TSC22D1: variants seen among roughly 807,000 people sequenced by gnomAD.
TSC22D1 encodes the protein TSC22 domain family protein 1.
TSC22D1 carries 9 observed loss-of-function variants against 74.2 expected under a neutral mutation model. The observed-to-expected ratio is 0.12, with a 90% CI of 0.07 to 0.21. The LOEUF is 0.21. Ranked by LOEUF, TSC22D1 falls within the 10% of genes least tolerant of loss-of-function variation. The probability of loss-of-function intolerance (pLI) is 1.00; values close to 1 mark genes in which losing one functional copy is unlikely to be tolerated. For missense variants in TSC22D1, 1,427 were observed against 1,304.7 expected, an observed-to-expected ratio of 1.09 and a Z score of -1.44; for synonymous variants, 586 against 492.5, an observed-to-expected ratio of 1.19 and a Z score of -2.51.
intron 1 of TSC22D1, among the ~76,000 whole-genome samples, chr13:44,533,554 C>G (rs1022362975): frequency 4.0e-5 from 6 of 150,082 alleles, no homozygotes; most frequent in Non-Finnish European, 7.4e-5. Flanking sequence ...GAGGCTGAGG[C>G]GGGTGGATCA....
At chr13:44,498,685 T>TTCAGGGATCCAC (rs1290388672) in intron 1 of TSC22D1, among the ~76,000 whole-genome samples, 2 of 152,156 alleles carry the variant, frequency 1.3e-5, no homozygotes, top group African/African-American at 4.8e-5. Context: ...CATAAAATAA[T>TTCAGGGATCCAC]TCAGGGATCC....
chr13:44,570,786 G>A (rs1220353513), intron 1 of TSC22D1, among the ~76,000 whole-genome samples: 1 of 152,156 alleles, frequency 6.6e-6, no homozygotes, highest in Non-Finnish European at 1.5e-5. Context: ...AAGCCCAGAA[G>A]ATGCAAGTGA....
intron 1 of TSC22D1, among the ~76,000 whole-genome samples, chr13:44,532,749 A>G (rs1019302270): frequency 1.3e-5 from 2 of 152,196 alleles, no homozygotes; most frequent in Non-Finnish European, 2.9e-5. Flanking sequence ...CTGGGATTAC[A>G]GGCGTGAGCC....
intron 1 of TSC22D1, chr13:44,538,276 T>G (rs531676955): frequency 1.0e-6 from 1 of 985,334 alleles, no homozygotes. Context: ...TACTTCTCTA[T>G]TAGAAACTTT....
Position 44,575,018 on chromosome 13 carries a change from G to A in TSC22D1, c.1057C>T (p.Pro353Ser). 1 of 1,614,018 alleles carries A rather than the reference G, an allele frequency of 6.2e-7. No homozygotes were observed. Among genetic ancestry groups the A allele is most frequent in the South Asian group, 1.1e-5 (1 of 91,082 alleles). ...ACATTAACACCACTGGTAACTCCAG[G>A]CCCAACACTCACACCAGCAGCACTA... ...IPSAAGVSVGPGVTSGVNVNI... is the reference protein window; with the variant it reads ...IPSAAGVSVGSGVTSGVNVNI... Residue 353 changes from proline to serine, a missense_variant, in exon 1 of 3, where the codon CCT (proline) becomes TCT (serine). By Grantham distance (74) the Pro-to-Ser change is moderately conservative. This residue lies in a region of TSC22D1 where 1,343 missense variants were observed against 1,191.5 expected (regional missense o/e 1.13). Transcript: ENST00000458659.
intron 1 of TSC22D1, among the ~76,000 whole-genome samples, chr13:44,509,950 C>CAAAAAAAAAAAAAAAAAAAAAAACAAAA: frequency 1.9e-5 from 1 of 51,426 alleles, no homozygotes; most frequent in African/African-American, 7.5e-5. Flanking sequence ...AGAAAATAAG[C>CAAAAAAAAAAAAAAAAAAAAAAACAAAA]AAAAAAAAAA....
At chr13:44,547,961 T>C (rs1481374384) in intron 1 of TSC22D1, among the ~76,000 whole-genome samples, 1 of 152,164 alleles carries the variant, frequency 6.6e-6, no homozygotes, top group African/African-American at 2.4e-5. Flanking sequence ...ATTATTATTA[T>C]GCACTGTATT....
At chr13:44,438,788 A>G (rs976089757) in intron 1 of TSC22D1, among the ~76,000 whole-genome samples, 12 of 152,286 alleles carry the variant, frequency 7.9e-5, no homozygotes, top group African/African-American at 2.4e-4. Context: ...CCCTATGTCT[A>G]TGAATGCTAA....
intron 1 of TSC22D1, among the ~76,000 whole-genome samples, chr13:44,512,557 A>ACCTATATTCCCTATTACT (rs1879783059): frequency 6.6e-6 from 1 of 152,234 alleles, no homozygotes; most frequent in Non-Finnish European, 1.5e-5. Flanking sequence ...ACTGTGAAAC[A>ACCTATATTCCCTATTACT]GAACCACTTC....
chr13:44,435,747 T>C (rs1407615036), intron 2 of TSC22D1: 5 of 459,512 alleles, frequency 1.1e-5, no homozygotes, highest in Non-Finnish European at 2.0e-5. Flanking sequence ...CCGAAGGAGA[T>C]AGTTGGCCAG....
intron 1 of TSC22D1, among the ~76,000 whole-genome samples, chr13:44,565,489 A>G (rs1286828863): frequency 6.6e-6 from 1 of 152,126 alleles, no homozygotes; most frequent in African/African-American, 2.4e-5. Context: ...ACTAGGAAAA[A>G]AGTTAACCTA....
At chr13:44,484,142 G>A (rs965832712) in intron 1 of TSC22D1, among the ~76,000 whole-genome samples, 1 of 152,008 alleles carries the variant, frequency 6.6e-6, no homozygotes, top group African/African-American at 2.4e-5. Context: ...CTATCACAAA[G>A]TTTGAAACTG....
At chr13:44,532,740 T>C (rs1880919679) in intron 1 of TSC22D1, among the ~76,000 whole-genome samples, 2 of 152,290 alleles carry the variant, frequency 1.3e-5, no homozygotes, top group East Asian at 3.9e-4. Context: ...CCCGAAGTGC[T>C]GGGATTACAG....
chr13:44,568,950 A>G (rs1883562628), intron 1 of TSC22D1, among the ~76,000 whole-genome samples: 3 of 152,202 alleles, frequency 2.0e-5, no homozygotes, highest in Admixed American at 2.0e-4. Flanking sequence ...ATCAATATTG[A>G]TAACTACTGG....
chr13:44,452,944 A>ACGC (rs1876267341), intron 1 of TSC22D1: 1 of 151,882 alleles, frequency 6.6e-6, no homozygotes, highest in Non-Finnish European at 1.5e-5. Context: ...TTTCGATGAA[A>ACGC]CTCTTGTTTT....
chr13:44,491,815 G>A (rs1408457983), intron 1 of TSC22D1, among the ~76,000 whole-genome samples: 1 of 152,096 alleles, frequency 6.6e-6, no homozygotes, highest in African/African-American at 2.4e-5. Flanking sequence ...TAATCAGTGG[G>A]GTTTTTTATG....
chr13:44,468,566 C>T (rs1877426016), intron 1 of TSC22D1, among the ~76,000 whole-genome samples: 1 of 149,650 alleles, frequency 6.7e-6, no homozygotes, highest in South Asian at 2.1e-4. Context: ...CTAACCATGA[C>T]ATTCTGCATT....
At chr13:44,553,534 G>A (rs1348914193) in intron 1 of TSC22D1, among the ~76,000 whole-genome samples, 2 of 152,160 alleles carry the variant, frequency 1.3e-5, no homozygotes, top group African/African-American at 4.8e-5. Flanking sequence ...ATGGGACTGA[G>A]CATGGAAGAG....
chr13:44,458,803 C>T (rs1479579014), intron 1 of TSC22D1, among the ~76,000 whole-genome samples: 4 of 152,178 alleles, frequency 2.6e-5, no homozygotes, highest in Admixed American at 2.6e-4. Flanking sequence ...AGCTGACATG[C>T]CAGCCACCCC....
Sources: gnomAD v4.1 joint callset for allele counts (sites outside exome capture counted in the v4.1 genomes callset) on GRCh38, gnomAD v4.1.1 for gene constraint, gnomAD v4.1.1 regional missense constraint, MANE v1.5 for transcripts, NCBI Gene and HGNC (gene_info 2026-07-23, HGNC 2026-07-21) for gene names.